The following TXN variants were observed in gnomAD, a reference collection of about 807,000 sequenced individuals.
The protein encoded by TXN is thioredoxin.
TXN carries 10 observed loss-of-function variants against 16.5 expected under a neutral mutation model. The observed-to-expected ratio is 0.61, with a 90% CI of 0.37 to 1.03. TXN has a LOEUF of 1.03. Among genes scored for constraint, TXN ranks in the 50% least tolerant of loss-of-function variants. The pLI is 0.01. For synonymous variants in TXN, 35 were observed against 39.4 expected (o/e 0.89, Z 0.42); for missense variants, 71 against 122.5 (o/e 0.58, Z 1.98).
intron 1 of TXN, among the ~76,000 whole-genome samples, chr9:110,254,945 A>G (rs1837786805): frequency 6.6e-6 from 1 of 152,268 alleles, no homozygotes; most frequent in Non-Finnish European, 1.5e-5. Context: ...GTGCTTGGAA[A>G]AAAAGTATAT....
rs555428466 is a variant in TXN, at chr9:110,244,712, T to C, written c.255+66A>G. On this transcript the variant is annotated intron_variant, in intron 4 of 4. Transcript: ENST00000374517. ...ATCTTTAAAGGGAACATCACTCCAG[T>C]GATTTATTCACTTATACTGGGTTTC... is the stretch of plus-strand genomic sequence containing the variant. 1.1e-5 allele frequency: 15 copies of C among 1,359,474 alleles called. No homozygotes were observed. In the African/African-American group the frequency reaches 2.0e-4, roughly 18 times the overall value. The allele number at this position is 1,359,474 out of a possible 1,614,324, so 84.2% of individuals were successfully genotyped here.
intron 3 of TXN, among the ~76,000 whole-genome samples, chr9:110,250,419 G>C (rs1444945997): frequency 6.6e-6 from 1 of 152,220 alleles, no homozygotes; most frequent in African/African-American, 2.4e-5. Flanking sequence ...GCTTGCAAAT[G>C]CAGGTTCTCA....
intron 1 of TXN, among the ~76,000 whole-genome samples, chr9:110,254,802 A>G (rs533978176): frequency 1.4e-4 from 22 of 152,268 alleles, no homozygotes; most frequent in Admixed American, 9.2e-4. Context: ...AACATAGACC[A>G]CTCAAAGGTC....
intron 1 of TXN, among the ~76,000 whole-genome samples, chr9:110,252,685 C>T (rs559453670): frequency 1.3e-5 from 2 of 152,004 alleles, no homozygotes; most frequent in African/African-American, 4.8e-5. Flanking sequence ...TCACTTGTTG[C>T]CCAGGCTGGA....
Position 110,251,264 on chromosome 9 carries a change from C to T in TXN, c.129+94G>A, listed in dbSNP as rs878913927. 1.0e-5 allele frequency: 10 copies of T among 974,046 alleles called. No individual in the cohort carries two copies. The South Asian group carries it at 1.1e-4, about 11-fold the overall frequency. 60.3% of individuals were successfully genotyped at this position (974,046 alleles called of 1,614,324 possible). A position where few individuals can be genotyped will look rare whatever the true frequency, so the allele number is the denominator to read the frequency against. On this transcript the variant is annotated intron_variant, in intron 2 of 4. Coordinates refer to ENST00000374517, the MANE Select transcript of TXN (RefSeq NM_003329.4). Reference sequence around the variant, plus strand: ...AGCCAAAGAAATCCCCCCACCGAAACCAAAATCCTTTAACTGTCTTTCTTT... The same window carrying T: ...AGCCAAAGAAATCCCCCCACCGAAATCAAAATCCTTTAACTGTCTTTCTTT...
chr9:110,245,654 A>ATTTTTTT lies in TXN; in HGVS notation c.190-818_190-812dup, dbSNP rs1228829953. Among the ~76,000 whole-genome samples the ATTTTTTT allele has an allele frequency of 7.3e-4, 16 of 21,778 alleles. 1 individual carries two copies. The highest frequency in any genetic ancestry group is 2.0e-3 in the African/African-American group (10 of 5,054). The allele number at this position is 21,778 out of a possible 152,430, so 14.3% of individuals were successfully genotyped here. On this transcript the variant is annotated intron_variant, in intron 3 of 4. Transcript: ENST00000374517. ...TATATATATATATATATATATATATATTTTTTTTTTTTTTTTTTTATAGGG... is the reference window on the plus strand; with the variant it reads ...TATATATATATATATATATATATATATTTTTTTTTTTTTTTTTTTTTTTTTTATAGGG...
intron 3 of TXN, chr9:110,245,073 G>A (rs914857975): frequency 5.7e-5 from 20 of 349,248 alleles, no homozygotes; most frequent in South Asian, 3.0e-4. Context: ...TTCCTTTGAC[G>A]GGCACATTAA....
At chr9:110,247,474 TGTGGTG>T (rs1189206689) in intron 3 of TXN, among the ~76,000 whole-genome samples, 1 of 152,194 alleles carries the variant, frequency 6.6e-6, no homozygotes, top group Non-Finnish European at 1.5e-5. Flanking sequence ...ATTGCATATA[TGTGGTG>T]GTCCCATAAG....
chr9:110,253,151 AAAC>A (rs1482705942), intron 1 of TXN, among the ~76,000 whole-genome samples: 1 of 149,040 alleles, frequency 6.7e-6, no homozygotes, highest in Non-Finnish European at 1.5e-5. Flanking sequence ...AAAACCAAAT[AAAC>A]AAAAAAAAAC....
In TXN at chr9:110,250,856, G is replaced by A. The variant is rs752638004; in HGVS notation, c.153C>T (p.Asn51=). ...FFHSLSEKYS[N]VIFLEVDVDD... Reference sequence around the variant, plus strand: ...CCACATCTACTTCAAGGAATATCACGTTGGAATACTTTTCAGAGAGGGACT... The same window carrying A: ...CCACATCTACTTCAAGGAATATCACATTGGAATACTTTTCAGAGAGGGACT... Residue 51 remains asparagine (N), a synonymous_variant, in exon 3 of 5, where the codon AAC becomes AAT. Transcript: ENST00000374517. 47 of 1,610,670 alleles carry A rather than the reference G, an allele frequency of 2.9e-5. No homozygotes were observed. The highest frequency in any genetic ancestry group is 1.8e-4 in the South Asian group (16 of 90,026).
chr9:110,245,750 C>T (rs1258801957), intron 3 of TXN, among the ~76,000 whole-genome samples: 4 of 147,330 alleles, frequency 2.7e-5, no homozygotes, highest in Non-Finnish European at 5.9e-5. Flanking sequence ...TCCTCGGGCT[C>T]CCAAAGTGCT....
intron 3 of TXN, among the ~76,000 whole-genome samples, chr9:110,245,342 TAAAAA>T (rs1837632390): frequency 6.6e-6 from 1 of 151,676 alleles, no homozygotes; most frequent in Non-Finnish European, 1.5e-5. Context: ...TCTAAAAAAA[TAAAAA>T]TCAATTGTTC....
At chr9:110,246,401 G>A (rs1433287848) in intron 3 of TXN, among the ~76,000 whole-genome samples, 1 of 152,100 alleles carries the variant, frequency 6.6e-6, no homozygotes, top group Admixed American at 6.6e-5. Flanking sequence ...AATACCCCAT[G>A]CTCAACACAT....
In TXN at chr9:110,243,990, T is replaced by G. The variant is rs1218647939; in HGVS notation, c.*167A>C. ...ATTAAATGACCATTTCACATTTATTTTGAAAGCTATTCAGACATGAGACGG... is the reference window on the plus strand; with the variant it reads ...ATTAAATGACCATTTCACATTTATTGTGAAAGCTATTCAGACATGAGACGG... On this transcript the variant is annotated 3_prime_UTR_variant, in exon 5 of 5. Coordinates refer to ENST00000374517, the MANE Select transcript of TXN (RefSeq NM_003329.4). 5.9e-6 allele frequency: 2 copies of G among 338,070 alleles called. No homozygotes were observed. Among genetic ancestry groups the G allele is most frequent in the Non-Finnish European group, 1.1e-5 (2 of 181,000 alleles). 20.9% of individuals were successfully genotyped at this position (338,070 alleles called of 1,614,324 possible). A position where few individuals can be genotyped will look rare whatever the true frequency, so the allele number is the denominator to read the frequency against.
chr9:110,246,479 T>C (rs1013696786), intron 3 of TXN, among the ~76,000 whole-genome samples: 3 of 152,196 alleles, frequency 2.0e-5, no homozygotes, highest in Middle Eastern at 3.4e-3. Context: ...TGGAGCCCAA[T>C]AGAGATTGAA....
chr9:110,251,402 C>T lies in TXN; in HGVS notation c.85G>A (p.Ala29Thr). The change falls in exon 2 of 5, where the codon GCC (alanine) becomes ACC (threonine). Residue 29 changes from alanine (A) to threonine (T), a missense_variant. Coordinates refer to ENST00000374517, the MANE Select transcript of TXN (RefSeq NM_003329.4). ...ATTTTGCAAGGCCCACACCACGTGG[C>T]TGAGAAGTCAACTACTACAAGTTTA... ...GDKLVVVDFS[A>T]TWCGPCKMIK... 2 of 1,612,066 alleles carry T rather than the reference C, an allele frequency of 1.2e-6. No homozygotes were observed. The highest frequency in any genetic ancestry group is 1.7e-6 in the Non-Finnish European group (2 of 1,179,830).
In TXN at chr9:110,256,472, C is replaced by A. The variant is rs779233971; in HGVS notation, c.-37G>T. On this transcript the variant is annotated 5_prime_UTR_variant, in exon 1 of 5. Coordinates refer to ENST00000374517, the MANE Select transcript of TXN (RefSeq NM_003329.4). The surrounding 1 kb of genome is among the most constrained non-coding windows in gnomAD (Gnocchi z 4.2). ...GAGTCTGACGAGCGGCTGTAAGGAC[C>A]GATGGAAATGGATCCAAAGCACCAA... 6.3e-7 allele frequency: 1 copy of A among 1,598,182 alleles called. No individual in the cohort carries two copies. Among genetic ancestry groups the A allele is most frequent in the South Asian group, 1.1e-5 (1 of 88,808 alleles).
Position 110,251,439 on chromosome 9 carries a change from G to C in TXN, c.48C>G (p.Asp16Glu). ...CTACTACAAGTTTATCACCTGCAGC[G>C]TCCAAGGCTTCCTGAAAAGCAGTCT... The part of the protein sequence containing the change: ...ESKTAFQEAL[D>E]AAGDKLVVVD... Residue 16 changes from aspartate (D) to glutamate (E), a missense_variant, in exon 2 of 5, where the codon GAC (aspartate) becomes GAG (glutamate). Coordinates refer to ENST00000374517, the MANE Select transcript of TXN (RefSeq NM_003329.4). The C allele has an allele frequency of 1.2e-6, 2 of 1,611,476 alleles. No individual in the cohort carries two copies. The highest frequency in any genetic ancestry group is 1.7e-6 in the Non-Finnish European group (2 of 1,179,438).
Position 110,256,463 on chromosome 9 carries a change from T to C in TXN, c.-28A>G. 1.2e-6 allele frequency: 2 copies of C among 1,602,452 alleles called. No individual in the cohort carries two copies. Among genetic ancestry groups the C allele is most frequent in the East Asian group, 2.3e-5 (1 of 44,130 alleles). The stretch of plus-strand genomic sequence containing the variant: ...TGGCTGCTGGAGTCTGACGAGCGGC[T>C]GTAAGGACCGATGGAAATGGATCCA... On this transcript the variant is annotated 5_prime_UTR_variant, in exon 1 of 5. Coordinates refer to ENST00000374517, the MANE Select transcript of TXN (RefSeq NM_003329.4). This position sits in a 1 kb window ranked among gnomAD's most constrained non-coding sequence, Gnocchi z 4.2.
Sources: gnomAD v4.1 joint callset for allele counts (sites outside exome capture counted in the v4.1 genomes callset) on GRCh38, gnomAD v4.1.1 for gene constraint, Gnocchi (gnomAD v3.1) non-coding constraint, MANE v1.5 for transcripts, NCBI Gene and HGNC (gene_info 2026-07-23, HGNC 2026-07-21) for gene names.